CLVS1: variants seen among roughly 807,000 people sequenced by gnomAD.
The protein encoded by CLVS1 is clavesin 1.
A neutral mutation model predicts 33.1 loss-of-function variants in CLVS1; 10 were observed. The observed-to-expected ratio is 0.30, with a 90% confidence interval of 0.19 to 0.51. The LOEUF (loss-of-function observed/expected upper bound fraction) is 0.51. Among genes scored for constraint, CLVS1 ranks in the 20% least tolerant of loss-of-function variants. CLVS1 has a pLI of 0.97. For missense variants in CLVS1, 343 were observed against 433.4 expected, an observed-to-expected ratio of 0.79 and a Z score of 1.85; for synonymous variants, 163 against 166.1, an observed-to-expected ratio of 0.98 and a Z score of 0.14.
the CLVS1 span, chr8:60,966,094 GAGCCACTGCGCCTGGC>G: frequency 3.9e-6 from 1 of 254,070 alleles, no homozygotes; most frequent in Non-Finnish European, 8.0e-6. Flanking sequence ...TTACAGGTGT[GAGCCACTGCGCCTGGC>G]CCCAGTGTTC....
At chr8:61,488,833 G>A (rs531811420) in intron 5 of CLVS1, among the ~76,000 whole-genome samples, 4 of 152,290 alleles carry the variant, frequency 2.6e-5, no homozygotes, top group Admixed American at 6.5e-5. Context: ...CAGTTTCCAC[G>A]GTGGCCTTCC....
At chr8:61,247,553 C>A (rs2978501) in intron 2 of CLVS1, among the ~76,000 whole-genome samples, 73,539 of 152,016 alleles carry the variant, frequency 0.48, 18,598 homozygotes, top group African/African-American at 0.62. Flanking sequence ...ATGATCAGTG[C>A]TATTGAGCTT....
chr8:61,066,006 C>T lies in CLVS1; in HGVS notation c.-243+8776C>T, dbSNP rs1057417654. Among the ~76,000 whole-genome samples the T allele has an allele frequency of 2.0e-5, 3 of 152,100 alleles. No homozygotes were observed. In the South Asian group the frequency reaches 6.2e-4, roughly 32 times the overall value. ...CCTGGAACATAACATACAGCATGAT[C>T]ACATTTATGATAAAAACAGTCTTTT... is the stretch of plus-strand genomic sequence containing the variant. On this transcript the variant is annotated intron_variant, in intron 1 of 2. Coordinates refer to the CLVS1 transcript ENST00000522621.
At chr8:61,173,194 G>T (rs752885908) in intron 2 of CLVS1, among the ~76,000 whole-genome samples, 1 of 152,128 alleles carries the variant, frequency 6.6e-6, no homozygotes, top group Non-Finnish European at 1.5e-5. Flanking sequence ...GGTATTAGTG[G>T]CTTTGGTGCA....
intron 2 of CLVS1, among the ~76,000 whole-genome samples, chr8:61,369,098 G>A (rs1563520027): frequency 6.7e-6 from 1 of 150,200 alleles, no homozygotes; most frequent in Non-Finnish European, 1.5e-5. Flanking sequence ...TTGAGAATAT[G>A]AGCCTCATCA....
intron 1 of CLVS1, among the ~76,000 whole-genome samples, chr8:61,106,506 A>C (rs571353195): frequency 1.4e-3 from 206 of 152,328 alleles, no homozygotes; most frequent in Non-Finnish European, 2.2e-3. Context: ...GGCAGCAAAC[A>C]ATAAGGTGTA....
chr8:61,186,869 G>T (rs1807353762), intron 2 of CLVS1, among the ~76,000 whole-genome samples: 1 of 152,182 alleles, frequency 6.6e-6, no homozygotes, highest in South Asian at 2.1e-4. Flanking sequence ...GACAGAAAGG[G>T]CAGTTGGACT....
chr8:61,159,898 G>A (rs1806719899), intron 2 of CLVS1, among the ~76,000 whole-genome samples: 1 of 152,190 alleles, frequency 6.6e-6, no homozygotes, highest in Non-Finnish European at 1.5e-5. Flanking sequence ...ATTCAGAGTG[G>A]TTAGAATCAC....
rs145889637 is a variant in CLVS1 at position 61,099,143 on chromosome 8, GACAA to G, written c.-242-32622_-242-32619del. On this transcript the variant is annotated intron_variant, in intron 1 of 2. Coordinates refer to the CLVS1 transcript ENST00000522621. Reference sequence around the variant, plus strand: ...GAGCTAACATCTGTCTTTTAAGTTTGACAAACAATGTTTTCTCCTTGGTTTCACT... The same window carrying G: ...GAGCTAACATCTGTCTTTTAAGTTTGACAATGTTTTCTCCTTGGTTTCACT... Among the ~76,000 whole-genome samples, 896 of 152,254 alleles carry G rather than the reference GACAA, an allele frequency of 5.9e-3. 11 individuals are homozygous for G. The highest frequency in any genetic ancestry group is 0.021 in the African/African-American group (868 of 41,566).
intron 2 of CLVS1, among the ~76,000 whole-genome samples, chr8:61,217,381 A>G (rs4102482): frequency 1.3e-5 from 2 of 152,192 alleles, no homozygotes; most frequent in Admixed American, 6.6e-5. Context: ...GAGGAGGGAA[A>G]GTAGCTTGCA....
At chr8:61,363,130 A>C (rs1813054138) in intron 2 of CLVS1, among the ~76,000 whole-genome samples, 1 of 152,082 alleles carries the variant, frequency 6.6e-6, no homozygotes, top group African/African-American at 2.4e-5. Context: ...TTGGAAATTA[A>C]ACTGCTGATC....
At chr8:61,376,803 C>T in intron 3 of CLVS1, 24 bp downstream of exon 3, 2 of 1,580,990 alleles carry the variant, frequency 1.3e-6, no homozygotes, top group Non-Finnish European at 1.7e-6. Context: ...ATGCGCAATA[C>T]AAGACCATGT....
chr8:61,410,199 C>T (rs1815165966), intron 3 of CLVS1, among the ~76,000 whole-genome samples: 1 of 151,404 alleles, frequency 6.6e-6, no homozygotes, highest in Non-Finnish European at 1.5e-5. Flanking sequence ...ATTCTTTATC[C>T]ATTTGCAGTT....
chr8:61,031,664 T>A, the CLVS1 span, among the ~76,000 whole-genome samples: 1 of 152,178 alleles, frequency 6.6e-6, no homozygotes, highest in Non-Finnish European at 1.5e-5. Flanking sequence ...ATAAACAAAT[T>A]GCAAAGTTCC....
intron 3 of CLVS1, among the ~76,000 whole-genome samples, chr8:61,399,903 C>A (rs1814682496): frequency 6.6e-6 from 1 of 152,056 alleles, no homozygotes; most frequent in Admixed American, 6.6e-5. Context: ...TGTGTCTGTT[C>A]TTGTGCCATT....
intron 2 of CLVS1, among the ~76,000 whole-genome samples, chr8:61,269,280 C>T (rs1314960918): frequency 1.3e-5 from 2 of 152,140 alleles, no homozygotes; most frequent in African/African-American, 4.8e-5. Context: ...AGGGAATCCT[C>T]TCCCATTTCT....
At chr8:61,059,487 T>TATATATATATATATATAC (rs1804542542) in intron 1 of CLVS1, among the ~76,000 whole-genome samples, 1 of 104,910 alleles carries the variant, frequency 9.5e-6, no homozygotes, top group Non-Finnish European at 2.0e-5. Flanking sequence ...TATATATATA[T>TATATATATATATATATAC]ATATATATAT....
chr8:60,979,004 T>TA, the CLVS1 span, among the ~76,000 whole-genome samples: 1 of 152,154 alleles, frequency 6.6e-6, no homozygotes, highest in African/African-American at 2.4e-5. Context: ...ACATACTCTA[T>TA]ATTTTGACAA....
the CLVS1 span, among the ~76,000 whole-genome samples, chr8:60,969,132 C>T: frequency 6.6e-6 from 1 of 152,258 alleles, no homozygotes; most frequent in African/African-American, 2.4e-5. Flanking sequence ...CTCTGTAATC[C>T]AGCCAGAACC....
Sources: gnomAD v4.1 joint callset for allele counts (sites outside exome capture counted in the v4.1 genomes callset) on GRCh38, gnomAD v4.1.1 for gene constraint, MANE v1.5 for transcripts, NCBI Gene and HGNC (gene_info 2026-07-23, HGNC 2026-07-21) for gene names.